TRIM9: variants seen among roughly 807,000 people sequenced by gnomAD.
TRIM9 encodes the protein tripartite motif containing 9.
Under a neutral mutation model 78.3 loss-of-function variants are expected in TRIM9, and 26 were observed. That is an observed-to-expected ratio of 0.33 (90% CI 0.24 to 0.46). The LOEUF is 0.46. Ranked by LOEUF, TRIM9 falls within the 20% of genes least tolerant of loss-of-function variation. The probability of loss-of-function intolerance (pLI) is 1.00; values close to 1 mark genes in which losing one functional copy is unlikely to be tolerated. For synonymous variants in TRIM9, 398 were observed against 416.5 expected (o/e 0.96, Z 0.54); for missense variants, 787 against 1,036.4 (o/e 0.76, Z 3.30).
At chr14:50,985,444 G>A (rs1313622635) in intron 8 of TRIM9, among the ~76,000 whole-genome samples, 2 of 152,158 alleles carry the variant, frequency 1.3e-5, no homozygotes, top group East Asian at 1.9e-4. Context: ...TGCTTTATAG[G>A]ATGCTTTCTG....
At chr14:50,985,903 G>A in intron 8 of TRIM9, 53 bp downstream of exon 8, 1 of 1,356,590 alleles carries the variant, frequency 7.4e-7, no homozygotes, top group Non-Finnish European at 9.6e-7. Context: ...GCGTTTCAGA[G>A]ATGCCTTCAA....
intron 7 of TRIM9, chr14:50,997,215 A>G (rs1216737287): frequency 1.0e-6 from 1 of 985,314 alleles, no homozygotes; most frequent in East Asian, 1.1e-4. Context: ...TACTCTTAAA[A>G]TGAAAATGTT....
At chr14:51,094,021 A>T (rs2064702997) in intron 1 of TRIM9, 97 bp downstream of exon 1, 1 of 1,275,248 alleles carries the variant, frequency 7.8e-7, no homozygotes, top group South Asian at 1.3e-5. Flanking sequence ...TTGCGCCCCC[A>T]CTGGGATGCG....
At chr14:51,061,300 C>A (rs111680095) in intron 1 of TRIM9, among the ~76,000 whole-genome samples, 29,858 of 151,662 alleles carry the variant, frequency 0.2, 3,107 homozygotes, top group Non-Finnish European at 0.24. Flanking sequence ...GTAATCCCAG[C>A]TACTCAGGAG....
At chr14:50,994,294 C>A (rs975416760) in intron 7 of TRIM9, among the ~76,000 whole-genome samples, 4 of 152,214 alleles carry the variant, frequency 2.6e-5, no homozygotes, top group Non-Finnish European at 5.9e-5. Flanking sequence ...GTAGTCCTAA[C>A]TACTCAGGAG....
intron 5 of TRIM9, among the ~76,000 whole-genome samples, chr14:51,003,395 T>C (rs559703812): frequency 2.7e-3 from 413 of 152,302 alleles, no homozygotes; most frequent in Non-Finnish European, 4.9e-3. Flanking sequence ...TTAGTCTTTC[T>C]TTTTTCCTTT....
intron 1 of TRIM9, among the ~76,000 whole-genome samples, chr14:51,093,045 G>C (rs1324960864): frequency 6.6e-6 from 1 of 152,162 alleles, no homozygotes; most frequent in Non-Finnish European, 1.5e-5. Context: ...GGCGTCGTTT[G>C]AGGAACAGTA....
Position 51,095,096 on chromosome 14 carries a change from C to A in TRIM9, c.-157G>T, listed in dbSNP as rs1213314198. ...ACTGGCACGGACACCCAGAGAGGCGCTAGCTCTGTGAGCCGCAGCCGCGTA... is the reference window on the plus strand; with the variant it reads ...ACTGGCACGGACACCCAGAGAGGCGATAGCTCTGTGAGCCGCAGCCGCGTA... On this transcript the variant is annotated 5_prime_UTR_variant, in exon 1 of 13. Transcript: ENST00000684578. 20 of 504,842 alleles carry A rather than the reference C, an allele frequency of 4.0e-5. No homozygotes were observed. The highest frequency in any genetic ancestry group is 6.3e-5 in the Non-Finnish European group (20 of 317,894). 31.3% of individuals were successfully genotyped at this position (504,842 alleles called of 1,614,324 possible).
At chr14:50,995,759 C>T (rs1264032484) in intron 7 of TRIM9, among the ~76,000 whole-genome samples, 2 of 151,384 alleles carry the variant, frequency 1.3e-5, no homozygotes, top group Admixed American at 6.6e-5. Context: ...CCCACCACCC[C>T]CAATACCAGC....
At chr14:51,003,818 T>C (rs1210105853) in intron 5 of TRIM9, among the ~76,000 whole-genome samples, 1 of 152,190 alleles carries the variant, frequency 6.6e-6, no homozygotes, top group African/African-American at 2.4e-5. Context: ...TGCTGAGAAT[T>C]AGTTTTCCGT....
intron 11 of TRIM9, among the ~76,000 whole-genome samples, chr14:50,980,980 A>ATT (rs34560711): frequency 7.6e-5 from 11 of 144,272 alleles, no homozygotes; most frequent in South Asian, 2.2e-4. Flanking sequence ...ACACTACTGT[A>ATT]TTTTTTTTTT....
chr14:51,023,245 G>A (rs2057925485), intron 2 of TRIM9, among the ~76,000 whole-genome samples: 1 of 152,156 alleles, frequency 6.6e-6, no homozygotes, highest in Admixed American at 6.5e-5. Flanking sequence ...TCATAGAGTT[G>A]TTTATGAATG....
rs1453924631 is a variant in TRIM9 at position 50,987,671 on chromosome 14, T to G, written c.1604-1527A>C. ...TAATCATCTTAAGGGGAAATTAGCC[T>G]TTGAGTGTAATAGAAAAATTCAAAA... On this transcript the variant is annotated intron_variant, in intron 7 of 12. Transcript: ENST00000684578. 3.9e-5 allele frequency among the ~76,000 whole-genome samples: 6 copies of G among 152,310 alleles called. No homozygotes were observed. The East Asian group carries it at 7.7e-4, about 20-fold the overall frequency.
chr14:51,041,547 C>A (rs1226916151), intron 1 of TRIM9, among the ~76,000 whole-genome samples: 1 of 152,224 alleles, frequency 6.6e-6, no homozygotes, highest in Admixed American at 6.5e-5. Context: ...TAACCCCCAA[C>A]TGCCTTTCGC....
chr14:50,989,886 G>A (rs1262921379), intron 7 of TRIM9, among the ~76,000 whole-genome samples: 1 of 152,150 alleles, frequency 6.6e-6, no homozygotes, highest in Non-Finnish European at 1.5e-5. Flanking sequence ...GTCTAGATAA[G>A]GGCAGAGACC....
At chr14:51,061,880 T>A (rs1181608511) in intron 1 of TRIM9, among the ~76,000 whole-genome samples, 2 of 152,244 alleles carry the variant, frequency 1.3e-5, no homozygotes, top group Non-Finnish European at 1.5e-5. Context: ...ATATTTCTTC[T>A]GTCTTATATC....
intron 1 of TRIM9, chr14:51,090,527 A>T (rs896976625): frequency 5.3e-5 from 8 of 152,240 alleles, no homozygotes; most frequent in Admixed American, 5.2e-4. Flanking sequence ...TTTAGAATAG[A>T]AAGGAAAAGA....
At chr14:51,005,577 G>A (rs974090653) in intron 5 of TRIM9, among the ~76,000 whole-genome samples, 2 of 152,184 alleles carry the variant, frequency 1.3e-5, no homozygotes, top group Non-Finnish European at 2.9e-5. Context: ...GCCCTTGGCT[G>A]ACTAGGAGAA....
intron 7 of TRIM9, 85 bp from the exon 8 acceptor site, chr14:50,986,229 T>A: frequency 8.6e-7 from 1 of 1,158,052 alleles, no homozygotes; most frequent in Non-Finnish European, 1.1e-6. Context: ...GCCTTAACAA[T>A]GCATTCATAC....
Sources: allele counts gnomAD v4.1 joint callset (sites outside exome capture counted in the v4.1 genomes callset), GRCh38; gene constraint gnomAD v4.1.1; transcripts MANE v1.5; gene names NCBI Gene and HGNC (gene_info 2026-07-23, HGNC 2026-07-21).